The following EFL1 variants were observed in gnomAD, a reference collection of about 807,000 sequenced individuals.
EFL1 encodes elongation factor-like GTPase 1.
EFL1 carries 76 observed loss-of-function variants against 126.7 expected under a neutral mutation model. That is an observed-to-expected ratio of 0.60 (90% CI 0.50 to 0.73). EFL1 has a LOEUF of 0.73. Ranked by LOEUF, EFL1 falls within the 30% of genes least tolerant of loss-of-function variation. The pLI, the probability that EFL1 is intolerant of heterozygous loss-of-function variation, is 0.00. For synonymous variants in EFL1, 410 were observed against 448.4 expected (o/e 0.91, Z 1.08); for missense variants, 1,128 against 1,343.2 (o/e 0.84, Z 2.50).
chr15:82,149,286 T>C (rs909441744), intron 18 of EFL1, among the ~76,000 whole-genome samples: 2 of 152,176 alleles, frequency 1.3e-5, no homozygotes, highest in African/African-American at 2.4e-5. Context: ...TCAGTACTCA[T>C]ACACAAATAA....
intron 18 of EFL1, 29 bp downstream of exon 18, chr15:82,151,436 T>C: frequency 6.4e-7 from 1 of 1,560,554 alleles, no homozygotes; most frequent in Non-Finnish European, 8.7e-7. Flanking sequence ...TCAGGGCATT[T>C]CTCACTATCT....
intron 19 of EFL1, among the ~76,000 whole-genome samples, chr15:82,138,407 T>TGA (rs71156027): frequency 3.0e-3 from 440 of 147,480 alleles, no homozygotes; most frequent in African/African-American, 7.2e-3. Context: ...AAAGGACAAA[T>TGA]GAGAGAGAGA....
At chr15:82,237,824 C>G (rs184521849) in intron 7 of EFL1, among the ~76,000 whole-genome samples, 38 of 151,186 alleles carry the variant, frequency 2.5e-4, no homozygotes, top group African/African-American at 9.0e-4. Context: ...TACTACTGAG[C>G]AACAGAAAGG....
intron 15 of EFL1, among the ~76,000 whole-genome samples, chr15:82,208,762 A>G (rs1036416710): frequency 4.6e-5 from 7 of 152,150 alleles, no homozygotes; most frequent in African/African-American, 1.7e-4. Flanking sequence ...GAATGCATCA[A>G]TAAAATTCAA....
At chr15:82,236,641 C>T (rs1193430191) in intron 7 of EFL1, among the ~76,000 whole-genome samples, 2 of 152,164 alleles carry the variant, frequency 1.3e-5, no homozygotes, top group African/African-American at 4.8e-5. Flanking sequence ...CAAAAGAAAA[C>T]CTTAACCCAA....
At chr15:82,241,942 G>A (rs2074935342) in intron 4 of EFL1, among the ~76,000 whole-genome samples, 1 of 152,180 alleles carries the variant, frequency 6.6e-6, no homozygotes, top group Non-Finnish European at 1.5e-5. Flanking sequence ...GCCAAGCAGT[G>A]TGCTATGTGC....
chr15:82,187,216 G>T lies in EFL1; in HGVS notation c.1751-23232C>A, dbSNP rs187961831. On this transcript the variant is annotated intron_variant, in intron 15 of 19. Transcript: ENST00000268206. ...GTCAATGAGCAAAGAGGCCAACATT[G>T]TGACATATGCCTGGAGCTTCAGTTT... Among the ~76,000 whole-genome samples, 282 of 152,340 alleles carry T rather than the reference G, an allele frequency of 1.9e-3. 1 individual carries two copies. The highest frequency in any genetic ancestry group is 3.1e-3 in the Non-Finnish European group (213 of 68,024).
chr15:82,130,489 A>C lies in EFL1; in HGVS notation c.3247T>G (p.Ser1083Ala). 6.2e-7 allele frequency: 1 copy of C among 1,614,158 alleles called. No homozygotes were observed. The highest frequency in any genetic ancestry group is 8.5e-7 in the Non-Finnish European group (1 of 1,180,030). The change falls in exon 20 of 20, where the codon TCT becomes GCT. Residue 1083 changes from serine (S) to alanine (A), a missense_variant. Transcript: ENST00000268206. ...ATGTACTTCCGGGCTTGGTTCTCAG[A>C]GTCAGCCTTCTCCCCAAAGTGCAAG... ...EYLHFGEKAD[S>A]ENQARKYMNA...
intron 2 of EFL1, 137 bp downstream of exon 2, chr15:82,261,551 A>G: frequency 1.3e-6 from 1 of 796,680 alleles, no homozygotes; most frequent in South Asian, 2.0e-5. Context: ...CCCTAACATC[A>G]CACAAAACTT....
intron 18 of EFL1, among the ~76,000 whole-genome samples, chr15:82,149,773 T>C (rs918564142): frequency 1.3e-5 from 2 of 152,154 alleles, no homozygotes; most frequent in Non-Finnish European, 2.9e-5. Context: ...GTGGTACAGA[T>C]GATTGGAAAC....
chr15:82,179,959 T>A (rs1288312408), intron 15 of EFL1, among the ~76,000 whole-genome samples: 1 of 152,022 alleles, frequency 6.6e-6, no homozygotes, highest in African/African-American at 2.4e-5. Context: ...TACAAATATC[T>A]CCCTACAGGT....
chr15:82,146,253 A>T (rs996339278), intron 18 of EFL1, among the ~76,000 whole-genome samples: 2 of 152,260 alleles, frequency 1.3e-5, no homozygotes, highest in East Asian at 3.9e-4. Context: ...ACTAACTTTT[A>T]AAAAAAGACT....
intron 11 of EFL1, among the ~76,000 whole-genome samples, chr15:82,226,314 G>C (rs535914927): frequency 2.0e-5 from 3 of 152,114 alleles, no homozygotes; most frequent in Non-Finnish European, 4.4e-5. Context: ...GACTACAAGC[G>C]TGTACCACCA....
chr15:82,185,101 T>TA (rs2099499514), intron 15 of EFL1, among the ~76,000 whole-genome samples: 1 of 151,972 alleles, frequency 6.6e-6, no homozygotes, highest in African/African-American at 2.4e-5. Context: ...TATTTACAAA[T>TA]GAACTCACAC....
chr15:82,174,681 A>C (rs1052083139), intron 15 of EFL1, among the ~76,000 whole-genome samples: 4 of 152,148 alleles, frequency 2.6e-5, no homozygotes, highest in Non-Finnish European at 4.4e-5. Flanking sequence ...CAAGGTTCTG[A>C]GAGTGAGGAG....
chr15:82,238,892 C>T (rs920311060), intron 6 of EFL1, among the ~76,000 whole-genome samples: 5 of 152,190 alleles, frequency 3.3e-5, no homozygotes, highest in African/African-American at 7.2e-5. Flanking sequence ...TTGCCCATCT[C>T]TCACATCGGC....
intron 15 of EFL1, among the ~76,000 whole-genome samples, chr15:82,182,931 T>G (rs4778982): frequency 0.67 from 101,370 of 152,022 alleles, 35,579 homozygotes; most frequent in African/African-American, 0.89. Flanking sequence ...CGAACAATCG[T>G]GAGGAAAATT....
intron 12 of EFL1, among the ~76,000 whole-genome samples, chr15:82,223,082 G>A (rs183852933): frequency 3.0e-4 from 46 of 152,196 alleles, no homozygotes; most frequent in African/African-American, 9.6e-4. Context: ...TGTGGGCGCC[G>A]AATCCTGTTT....
intron 4 of EFL1, among the ~76,000 whole-genome samples, chr15:82,243,928 C>G (rs1282274078): frequency 1.3e-5 from 2 of 152,072 alleles, no homozygotes; most frequent in Admixed American, 6.5e-5. Context: ...GAGAAATAAA[C>G]AGCCAGCCTT....
Sources: gnomAD v4.1 joint callset for allele counts (sites outside exome capture counted in the v4.1 genomes callset) on GRCh38, gnomAD v4.1.1 for gene constraint, MANE v1.5 for transcripts, NCBI Gene and HGNC (gene_info 2026-07-23, HGNC 2026-07-21) for gene names.